Variants in SPOCK3 observed in about 807,000 individuals in gnomAD.
SPOCK3 encodes testican-3.
A neutral mutation model predicts 56.6 loss-of-function variants in SPOCK3; 30 were observed. The observed-to-expected ratio is 0.53, with a 90% CI of 0.40 to 0.72. The LOEUF (loss-of-function observed/expected upper bound fraction) is 0.72, where lower values mean the gene tolerates loss of function less well. SPOCK3 is among the 30% of genes least tolerant of loss of function. SPOCK3 has a pLI of 0.00. For missense variants in SPOCK3, 527 were observed against 530.0 expected, an observed-to-expected ratio of 0.99 and a Z score of 0.06; for synonymous variants, 196 against 183.3, an observed-to-expected ratio of 1.07 and a Z score of -0.56.
intron 7 of SPOCK3, among the ~76,000 whole-genome samples, chr4:166,784,108 A>C (rs573749328): frequency 1.5e-3 from 224 of 152,240 alleles, no homozygotes; most frequent in South Asian, 5.8e-3. Context: ...AAAGTTGACA[A>C]CATTTCATTC....
chr4:166,952,324 C>T (rs968147599), intron 4 of SPOCK3, among the ~76,000 whole-genome samples: 2 of 152,132 alleles, frequency 1.3e-5, no homozygotes, highest in African/African-American at 4.8e-5. Flanking sequence ...GAGTGAACTC[C>T]CATTCACAAT....
chr4:166,967,335 TG>T (rs1333352831), intron 4 of SPOCK3, among the ~76,000 whole-genome samples: 2 of 152,176 alleles, frequency 1.3e-5, no homozygotes, highest in East Asian at 3.9e-4. Context: ...ATTGTTATAG[TG>T]GTTTTTGAAG....
At chr4:166,784,342 A>G (rs1234779682) in intron 7 of SPOCK3, among the ~76,000 whole-genome samples, 1 of 152,146 alleles carries the variant, frequency 6.6e-6, no homozygotes, top group Non-Finnish European at 1.5e-5. Context: ...ACTACATGTG[A>G]TTACGTTAAT....
intron 6 of SPOCK3, among the ~76,000 whole-genome samples, chr4:166,802,767 T>C (rs191026562): frequency 5.3e-4 from 81 of 152,256 alleles, no homozygotes; most frequent in Middle Eastern, 3.4e-3. Context: ...AGGATATATA[T>C]GTAAAATAAA....
intron 4 of SPOCK3, among the ~76,000 whole-genome samples, chr4:166,929,208 G>A (rs1739461138): frequency 6.6e-6 from 1 of 152,122 alleles, no homozygotes; most frequent in African/African-American, 2.4e-5. Flanking sequence ...CAGAATGTTA[G>A]CTTTAGGTTT....
chr4:167,188,923 G>T lies in SPOCK3; in HGVS notation c.189+45062C>A, dbSNP rs1370780177. On this transcript the variant is annotated intron_variant, in intron 2 of 10. Transcript: ENST00000357545. ...AAAAGAGGTAACCTGAATAGCCCTA[G>T]ATATATTAAAGAAATTGAATTTGCA... 2.1e-5 allele frequency among the ~76,000 whole-genome samples: 3 copies of T among 146,328 alleles called. 1 individual carries two copies. Among genetic ancestry groups the T allele is most frequent in the African/African-American group, 7.8e-5 (3 of 38,450 alleles).
Position 166,803,720 on chromosome 4 carries a change from CA to C in SPOCK3, c.590-11432del, listed in dbSNP as rs370405999. Among the ~76,000 whole-genome samples the C allele has an allele frequency of 6.5e-3, 992 of 152,218 alleles. 11 individuals carry two copies. The highest frequency in any genetic ancestry group is 0.023 in the African/African-American group (953 of 41,552). ...CTGCTGATCTTTTCTACTAATGGAA[CA>C]TGACACTAAAACTTAAATTTATCTA... On this transcript the variant is annotated intron_variant, in intron 6 of 10. Coordinates refer to ENST00000357545, the MANE Select transcript of SPOCK3 (RefSeq NM_001040159.2).
intron 2 of SPOCK3, chr4:167,083,152 C>T: frequency 1.3e-6 from 1 of 764,110 alleles, no homozygotes; most frequent in South Asian, 1.3e-5. Flanking sequence ...TTGCCCTAGG[C>T]TGTTCTTCCT....
chr4:166,840,799 G>A (rs1346736323), intron 6 of SPOCK3, among the ~76,000 whole-genome samples: 2 of 43,108 alleles, frequency 4.6e-5, no homozygotes, highest in South Asian at 1.3e-3. Context: ...TTTTTTTTTA[G>A]ATGCAGTCTC....
chr4:167,117,409 T>C (rs1761517752), intron 2 of SPOCK3, among the ~76,000 whole-genome samples: 4 of 151,864 alleles, frequency 2.6e-5, no homozygotes, highest in Admixed American at 2.6e-4. Context: ...GAAGCCTGAG[T>C]CCCGGGCAAG....
chr4:166,843,280 C>A (rs76580768), intron 6 of SPOCK3, among the ~76,000 whole-genome samples: 4 of 152,226 alleles, frequency 2.6e-5, no homozygotes, highest in African/African-American at 9.6e-5. Context: ...TTGGCCAGAG[C>A]GGACGCCGAG....
At chr4:167,219,363 A>G (rs1043314850) in intron 2 of SPOCK3, among the ~76,000 whole-genome samples, 1 of 152,210 alleles carries the variant, frequency 6.6e-6, no homozygotes, top group African/African-American at 2.4e-5. Flanking sequence ...TATCTTGCCT[A>G]TTGTACCCTA....
chr4:167,137,898 T>C (rs1225783235), intron 2 of SPOCK3, among the ~76,000 whole-genome samples: 5 of 151,906 alleles, frequency 3.3e-5, no homozygotes, highest in Admixed American at 6.6e-5. Flanking sequence ...GACTCTTCTA[T>C]TGGTTTTAAG....
intron 5 of SPOCK3, among the ~76,000 whole-genome samples, chr4:166,900,715 C>A (rs572690177): frequency 6.6e-6 from 1 of 152,082 alleles, no homozygotes; most frequent in Non-Finnish European, 1.5e-5. Flanking sequence ...TAATGGGTCT[C>A]TCTTTATAAA....
At chr4:166,825,490 G>T (rs187236298) in intron 6 of SPOCK3, among the ~76,000 whole-genome samples, 13 of 151,992 alleles carry the variant, frequency 8.6e-5, no homozygotes, top group Non-Finnish European at 1.5e-5. Context: ...ATTCCTTAAA[G>T]AACTAAAAGT....
At chr4:166,907,772 A>G (rs964895459) in intron 5 of SPOCK3, among the ~76,000 whole-genome samples, 1 of 152,094 alleles carries the variant, frequency 6.6e-6, no homozygotes, top group Non-Finnish European at 1.5e-5. Context: ...TTGAAATTTT[A>G]TGATAAATTT....
intron 6 of SPOCK3, among the ~76,000 whole-genome samples, chr4:166,801,849 CT>C (rs1261163663): frequency 1.3e-5 from 2 of 151,990 alleles, no homozygotes; most frequent in Non-Finnish European, 2.9e-5. Flanking sequence ...ACATATTAAT[CT>C]AGGACAATCT....
chr4:166,879,851 C>G (rs989870151), intron 6 of SPOCK3, among the ~76,000 whole-genome samples: 4 of 152,004 alleles, frequency 2.6e-5, no homozygotes, highest in Non-Finnish European at 4.4e-5. Context: ...GGGTACTGTC[C>G]CGAGTTCTCA....
At chr4:166,783,463 AAT>A (rs1199345370) in intron 7 of SPOCK3, among the ~76,000 whole-genome samples, 4 of 152,188 alleles carry the variant, frequency 2.6e-5, no homozygotes, top group African/African-American at 9.7e-5. Flanking sequence ...ATATTCTCTT[AAT>A]ATACCTCCAC....
Sources: gnomAD v4.1 joint callset for allele counts (sites outside exome capture counted in the v4.1 genomes callset) on GRCh38, gnomAD v4.1.1 for gene constraint, MANE v1.5 for transcripts, NCBI Gene and HGNC (gene_info 2026-07-23, HGNC 2026-07-21) for gene names.